EPS15L1: variants seen among roughly 807,000 people sequenced by gnomAD.
The protein encoded by EPS15L1 is epidermal growth factor receptor pathway substrate 15 like 1, also known as epidermal growth factor receptor substrate 15-like 1.
EPS15L1 carries 43 observed loss-of-function variants against 117.1 expected under a neutral mutation model. That is an observed-to-expected ratio of 0.37 (90% CI 0.29 to 0.47). The LOEUF is 0.47. Ranked by LOEUF, EPS15L1 falls within the 20% of genes least tolerant of loss-of-function variation. The pLI is 0.99. For missense variants in EPS15L1, 981 were observed against 1,164.0 expected, an observed-to-expected ratio of 0.84 and a Z score of 2.29; for synonymous variants, 459 against 470.5, an observed-to-expected ratio of 0.98 and a Z score of 0.32.
At chr19:16,376,925 C>T (rs1322052803) in intron 22 of EPS15L1, among the ~76,000 whole-genome samples, 197 bp downstream of exon 22, 2 of 152,190 alleles carry the variant, frequency 1.3e-5, no homozygotes, top group African/African-American at 4.8e-5. Context: ...GGGGCGAGGG[C>T]GGGCAGGCAG....
intron 1 of EPS15L1, among the ~76,000 whole-genome samples, chr19:16,453,036 A>G (rs2093161400): frequency 6.6e-6 from 1 of 151,920 alleles, no homozygotes; most frequent in African/African-American, 2.4e-5. Context: ...TCCTGACCTC[A>G]TGATCTGCCC....
chr19:16,471,189 C>T lies in EPS15L1; in HGVS notation c.33+724G>A, dbSNP rs1205690313. ...ACGAGTGTCACCTCCAGGAAAGCAG[C>T]GACCTTGTCTGTCTGGAAGAATGCA... On this transcript the variant is annotated intron_variant, in intron 1 of 23. Coordinates refer to ENST00000455140, the MANE Select transcript of EPS15L1 (RefSeq NM_001258374.3). The surrounding 1 kb of genome is among the most constrained non-coding windows in gnomAD (Gnocchi z 4.8). 2.0e-5 allele frequency among the ~76,000 whole-genome samples: 3 copies of T among 152,182 alleles called. No individual in the cohort carries two copies. The highest frequency in any genetic ancestry group is 2.4e-5 in the African/African-American group (1 of 41,446).
chr19:16,399,712 G>A (rs929771206), intron 16 of EPS15L1, among the ~76,000 whole-genome samples: 7 of 147,392 alleles, frequency 4.7e-5, no homozygotes, highest in Admixed American at 2.0e-4. Flanking sequence ...ATTGAGTCTC[G>A]CTGTGTCACC....
chr19:16,377,828 C>A (rs1263901472), intron 21 of EPS15L1, among the ~76,000 whole-genome samples: 1 of 152,182 alleles, frequency 6.6e-6, no homozygotes, highest in Non-Finnish European at 1.5e-5. Context: ...CTCACATGCC[C>A]GGCCACCCGC....
intron 7 of EPS15L1, among the ~76,000 whole-genome samples, chr19:16,429,283 G>A (rs2092907017): frequency 6.6e-6 from 1 of 152,176 alleles, no homozygotes; most frequent in Admixed American, 6.5e-5. Context: ...GCAGGCAGGC[G>A]TGGGTTCTGG....
intron 22 of EPS15L1, 117 bp from the exon 23 acceptor site, chr19:16,362,101 ACTT>A: frequency 9.3e-7 from 1 of 1,076,546 alleles, no homozygotes; most frequent in Admixed American, 3.0e-5. Context: ...AAAGCTTGTA[ACTT>A]GGCTAACAGG....
Position 16,403,878 on chromosome 19 carries a change from T to C in EPS15L1, c.1481A>G (p.Gln494Arg), listed in dbSNP as rs779220008. 5.0e-6 allele frequency: 8 copies of C among 1,614,060 alleles called. No individual in the cohort carries two copies. The South Asian group carries it at 8.8e-5, about 18-fold the overall frequency. Residue 494 changes from glutamine to arginine, a missense_variant, in exon 15 of 24, where the codon CAG becomes CGG. Gln to Arg is a conservative substitution (Grantham distance 43). This residue lies in a region of EPS15L1 where 819 missense variants were observed against 949.0 expected (regional missense o/e 0.86). Transcript: ENST00000455140. ...CTTGGCTCGGTTCAGATCGTCTTCC[T>C]GGGACTTTAAGTCAGATTCCTGAGA... ...IQSQESDLKSQEDDLNRAKSE... is the reference protein window; with the variant it reads ...IQSQESDLKSREDDLNRAKSE...
At chr19:16,363,599 G>C (rs980969370) in intron 22 of EPS15L1, among the ~76,000 whole-genome samples, 2 of 152,166 alleles carry the variant, frequency 1.3e-5, no homozygotes, top group African/African-American at 4.8e-5. Flanking sequence ...TTTAGCTCTG[G>C]GCCTCGGCAA....
intron 12 of EPS15L1, among the ~76,000 whole-genome samples, chr19:16,414,312 C>T (rs1006392891): frequency 4.6e-5 from 7 of 152,132 alleles, no homozygotes; most frequent in African/African-American, 1.7e-4. Flanking sequence ...CAGATTCTTC[C>T]CCTAGAGCCT....
At chr19:16,369,624 A>T (rs2092191188) in intron 22 of EPS15L1, among the ~76,000 whole-genome samples, 1 of 151,858 alleles carries the variant, frequency 6.6e-6, no homozygotes, top group Non-Finnish European at 1.5e-5. Context: ...CTCCCATGAC[A>T]TTTACATAAA....
At position 16,452,545 on chromosome 19, in the gene EPS15L1, A is replaced by T. The variant is rs968951287; in HGVS notation, c.34-10326T>A. ...TAAGGCAGGAGGATTGCCTGAGGCC[A>T]GGAATTCCAGGCTGCAGTGAGCTAT... On this transcript the variant is annotated intron_variant, in intron 1 of 23. Transcript: ENST00000455140. Among the ~76,000 whole-genome samples, 6 of 150,132 alleles carry T rather than the reference A, an allele frequency of 4.0e-5. No individual in the cohort carries two copies. The South Asian group carries it at 1.3e-3, about 32-fold the overall frequency.
chr19:16,377,355 C>T, intron 21 of EPS15L1, 101 bp from the exon 22 acceptor site: 1 of 1,362,908 alleles, frequency 7.3e-7, no homozygotes, highest in Admixed American at 2.1e-5. Flanking sequence ...CCTGGCAAGG[C>T]CTCCTACCCT....
At chr19:16,380,906 A>T (rs1221973041) in intron 21 of EPS15L1, among the ~76,000 whole-genome samples, 1 of 152,208 alleles carries the variant, frequency 6.6e-6, no homozygotes, top group Non-Finnish European at 1.5e-5. Context: ...CCCGTCACAG[A>T]GATATGGCTG....
intron 1 of EPS15L1, among the ~76,000 whole-genome samples, chr19:16,464,958 A>C (rs936325343): frequency 7.9e-5 from 12 of 152,216 alleles, no homozygotes; most frequent in African/African-American, 2.6e-4. Flanking sequence ...GGGTGCCTGT[A>C]GTCCCAGCTA....
At chr19:16,420,845 G>A (rs1018649945) in intron 10 of EPS15L1, among the ~76,000 whole-genome samples, 1 of 152,206 alleles carries the variant, frequency 6.6e-6, no homozygotes, top group African/African-American at 2.4e-5. Flanking sequence ...GGCACTGACA[G>A]GGTCTCCTTG....
chr19:16,383,709 CG>C lies in EPS15L1; in HGVS notation c.2247+1419del, dbSNP rs1489498059. On this transcript the variant is annotated intron_variant, in intron 21 of 23. Transcript: ENST00000455140. The surrounding 1 kb of genome is among the most constrained non-coding windows in gnomAD (Gnocchi z 5.2). ...TGCGCCGCCAGGGCACGCACACACGCGTCTTTGAAAACCTGAACAGAATCTC... is the reference window on the plus strand; with the variant it reads ...TGCGCCGCCAGGGCACGCACACACGCTCTTTGAAAACCTGAACAGAATCTC... 1 of 152,422 alleles carries C rather than the reference CG, an allele frequency of 6.6e-6. No homozygotes were observed. Among genetic ancestry groups the C allele is most frequent in the East Asian group, 1.9e-4 (1 of 5,180 alleles). The allele number at this position is 152,422 out of a possible 1,614,324, so 9.4% of individuals were successfully genotyped here.
chr19:16,393,843 A>T, intron 18 of EPS15L1, 108 bp downstream of exon 18: 1 of 1,127,602 alleles, frequency 8.9e-7, no homozygotes, highest in Non-Finnish European at 1.4e-6. Context: ...CTTCCCAGTT[A>T]CATGGCTGCC....
intron 13 of EPS15L1, among the ~76,000 whole-genome samples, chr19:16,408,100 C>G (rs2092673846): frequency 6.6e-6 from 1 of 151,986 alleles, no homozygotes; most frequent in Non-Finnish European, 1.5e-5. Flanking sequence ...TGGGGTAGCT[C>G]TGGACACCAG....
chr19:16,436,838 A>C (rs985738114), intron 6 of EPS15L1, 99 bp downstream of exon 6: 4 of 972,494 alleles, frequency 4.1e-6, no homozygotes, highest in Admixed American at 2.4e-5. Flanking sequence ...TGTTCTGAAC[A>C]ACATCAAACT....
Sources: gnomAD v4.1 joint callset for allele counts (sites outside exome capture counted in the v4.1 genomes callset) on GRCh38, gnomAD v4.1.1 for gene constraint, gnomAD v4.1.1 regional missense constraint, Gnocchi (gnomAD v3.1) non-coding constraint, MANE v1.5 for transcripts, NCBI Gene and HGNC (gene_info 2026-07-23, HGNC 2026-07-21) for gene names.